CD2AP: variants seen among roughly 807,000 people sequenced by gnomAD.
CD2AP encodes CD2 associated protein.
Under a neutral mutation model 85.1 loss-of-function variants are expected in CD2AP, and 46 were observed. That is an observed-to-expected ratio of 0.54 (90% CI 0.43 to 0.69). The LOEUF (loss-of-function observed/expected upper bound fraction) is 0.69. CD2AP is among the 30% of genes least tolerant of loss of function. CD2AP has a pLI of 0.00. For missense variants in CD2AP, 769 were observed against 729.5 expected, an observed-to-expected ratio of 1.05 and a Z score of -0.62; for synonymous variants, 255 against 252.9, an observed-to-expected ratio of 1.01 and a Z score of -0.08.
At chr6:47,552,223 C>G (rs1197617232) in intron 4 of CD2AP, among the ~76,000 whole-genome samples, 1 of 151,808 alleles carries the variant, frequency 6.6e-6, no homozygotes, top group Non-Finnish European at 1.5e-5. Flanking sequence ...AGTGGTGATT[C>G]CTGAGATTTT....
intron 11 of CD2AP, among the ~76,000 whole-genome samples, chr6:47,593,441 A>C (rs955476054): frequency 3.3e-5 from 5 of 152,078 alleles, no homozygotes; most frequent in African/African-American, 1.2e-4. Flanking sequence ...TCTAAAGGAG[A>C]TATATAAGTT....
intron 2 of CD2AP, among the ~76,000 whole-genome samples, chr6:47,520,551 G>A (rs1016817364): frequency 6.6e-6 from 1 of 152,054 alleles, no homozygotes; most frequent in Non-Finnish European, 1.5e-5. Flanking sequence ...CACCTAGTGT[G>A]GAGGGAAGTC....
In CD2AP at chr6:47,508,577, G is replaced by A. The variant is rs9473124; in HGVS notation, c.165+5137G>A. 9.7e-3 allele frequency among the ~76,000 whole-genome samples: 1,270 copies of A among 130,276 alleles called. 30 individuals carry two copies. Among genetic ancestry groups the A allele is most frequent in the African/African-American group, 0.035 (1,189 of 33,692 alleles). The allele number at this position is 130,276 out of a possible 152,430, so 85.5% of individuals were successfully genotyped here. On this transcript the variant is annotated intron_variant, in intron 2 of 17. Transcript: ENST00000359314. Reference sequence around the variant, plus strand: ...TTTTTTTTTTTTGGGACGGAGTCTCGCTCTGTTGCCCAGGGTGGAGTGCAA... The same window carrying A: ...TTTTTTTTTTTTGGGACGGAGTCTCACTCTGTTGCCCAGGGTGGAGTGCAA...
chr6:47,495,103 C>T (rs973976683), intron 1 of CD2AP, among the ~76,000 whole-genome samples: 2 of 152,086 alleles, frequency 1.3e-5, no homozygotes, highest in African/African-American at 4.8e-5. Flanking sequence ...GTGGAGGCTG[C>T]AGTGAGCCGA....
chr6:47,562,824 TG>T, intron 5 of CD2AP: 1 of 1,139,554 alleles, frequency 8.8e-7, no homozygotes, highest in Non-Finnish European at 1.3e-6. Flanking sequence ...TGGAGGCCCT[TG>T]GTGCTGAACA....
At chr6:47,513,455 G>A (rs1485282438) in intron 2 of CD2AP, among the ~76,000 whole-genome samples, 5 of 152,094 alleles carry the variant, frequency 3.3e-5, no homozygotes, top group African/African-American at 1.2e-4. Flanking sequence ...CATAAATTGA[G>A]TGGTCTGCAA....
At chr6:47,561,970 C>T (rs1159260831) in intron 5 of CD2AP, among the ~76,000 whole-genome samples, 1 of 152,122 alleles carries the variant, frequency 6.6e-6, no homozygotes, top group African/African-American at 2.4e-5. Flanking sequence ...AGGGTTTCAC[C>T]GTGTTAGCCA....
intron 2 of CD2AP, among the ~76,000 whole-genome samples, chr6:47,531,835 G>A (rs986564890): frequency 2.6e-5 from 4 of 152,074 alleles, no homozygotes; most frequent in African/African-American, 9.7e-5. Context: ...CACTTTGGGA[G>A]GTCGAGGCAG....
At position 47,533,487 on chromosome 6, in the gene CD2AP, T is replaced by G. The variant is rs1766943529; in HGVS notation, c.166-115T>G. ...GAGCAGAGCAAAGGTTGGAAACTAT[T>G]GATATTATGATTTATATAGTAATTA... On this transcript the variant is annotated intron_variant, in intron 2 of 17. Coordinates refer to ENST00000359314, the MANE Select transcript of CD2AP (RefSeq NM_012120.3). The G allele has an allele frequency of 3.1e-6, 3 of 983,538 alleles. No individual in the cohort carries two copies. The African/African-American group carries it at 4.9e-5, about 16-fold the overall frequency. The allele number at this position is 983,538 out of a possible 1,614,324, so 60.9% of individuals were successfully genotyped here.
At chr6:47,624,139 A>C in intron 17 of CD2AP, 47 bp from the exon 18 acceptor site, 2 of 1,435,070 alleles carry the variant, frequency 1.4e-6, no homozygotes, top group Non-Finnish European at 9.8e-7. Context: ...ATAAACTACT[A>C]AACTAAGGAT....
At position 47,501,282 on chromosome 6, in the gene CD2AP, T is replaced by C. The variant is rs761525346; in HGVS notation, c.5-1998T>C. Among the ~76,000 whole-genome samples the C allele has an allele frequency of 1.5e-3, 233 of 152,304 alleles. 1 individual carries two copies. The highest frequency in any genetic ancestry group is 3.4e-3 in the Middle Eastern group (1 of 294). On this transcript the variant is annotated intron_variant, in intron 1 of 17. Coordinates refer to ENST00000359314, the MANE Select transcript of CD2AP (RefSeq NM_012120.3). ...TCATGCTTATTTGAAAACCATTCAC[T>C]GTGTATGTTTAATTGTATGTGATTA...
At chr6:47,535,597 G>T (rs1266328121) in intron 3 of CD2AP, among the ~76,000 whole-genome samples, 1 of 152,096 alleles carries the variant, frequency 6.6e-6, no homozygotes, top group East Asian at 1.9e-4. Flanking sequence ...TTTGTTCTTT[G>T]TTTCTCAAGG....
intron 3 of CD2AP, among the ~76,000 whole-genome samples, chr6:47,542,590 G>A (rs998583332): frequency 6.6e-6 from 1 of 152,128 alleles, no homozygotes; most frequent in African/African-American, 2.4e-5. Context: ...TCTGACATGT[G>A]ATGACATAGC....
rs750809565 is a variant in CD2AP at position 47,599,461 on chromosome 6, G to C, written c.1417+18G>C. On this transcript the variant is annotated intron_variant, in intron 13 of 17. Coordinates refer to ENST00000359314, the MANE Select transcript of CD2AP (RefSeq NM_012120.3). ...AGAAACAGGTAAGTCAGCATGGACA[G>C]CGGTGGTGCATTTAAAAAAAAAAAT... is the stretch of plus-strand genomic sequence containing the variant. The C allele has an allele frequency of 6.2e-7, 1 of 1,608,076 alleles. No individual in the cohort carries two copies. Among genetic ancestry groups the C allele is most frequent in the Non-Finnish European group, 8.5e-7 (1 of 1,176,386 alleles).
Position 47,577,021 on chromosome 6 carries a change from G to T in CD2AP, c.821G>T (p.Cys274Phe), listed in dbSNP as rs755821785. 3 of 1,468,388 alleles carry T rather than the reference G, an allele frequency of 2.0e-6. No individual in the cohort carries two copies. The highest frequency in any genetic ancestry group is 2.3e-5 in the East Asian group (1 of 44,016). 91.0% of individuals were successfully genotyped at this position (1,468,388 alleles called of 1,614,324 possible). A position where few individuals can be genotyped will look rare whatever the true frequency, so the allele number is the denominator to read the frequency against. Residue 274 changes from cysteine to phenylalanine, a missense_variant, in exon 8 of 18, where the codon TGT (cysteine) becomes TTT (phenylalanine). By Grantham distance (205) the Cys-to-Phe change is radical. Coordinates refer to ENST00000359314, the MANE Select transcript of CD2AP (RefSeq NM_012120.3). ...TEGKIKAKEY[C>F]RTLFAYEGTN... ...TTCTTTATTTCAGCTAAAGAATATTGTAGAACATTATTTGCCTATGAAGGT... is the reference window on the plus strand; with the variant it reads ...TTCTTTATTTCAGCTAAAGAATATTTTAGAACATTATTTGCCTATGAAGGT...
chr6:47,496,649 T>TA (rs1247491960), intron 1 of CD2AP, among the ~76,000 whole-genome samples: 1 of 152,178 alleles, frequency 6.6e-6, no homozygotes, highest in Non-Finnish European at 1.5e-5. Flanking sequence ...TATACAAATA[T>TA]AAAAAATACT....
intron 1 of CD2AP, among the ~76,000 whole-genome samples, chr6:47,494,302 T>C (rs150873373): frequency 9.8e-4 from 150 of 152,342 alleles, no homozygotes; most frequent in African/African-American, 3.5e-3. Flanking sequence ...TTGCTTTCTT[T>C]GGGTTTCCCT....
In CD2AP at chr6:47,478,005, T is replaced by A; in HGVS notation, c.-240T>A. Reference sequence around the variant, plus strand: ...AGGGCCCTCCCGCCGCCGTGGCTCCTGGGGAGGCCAGGGGTGAGGAGCTGT... The same window carrying A: ...AGGGCCCTCCCGCCGCCGTGGCTCCAGGGGAGGCCAGGGGTGAGGAGCTGT... On this transcript the variant is annotated 5_prime_UTR_variant, in exon 1 of 18. Coordinates refer to ENST00000359314, the MANE Select transcript of CD2AP (RefSeq NM_012120.3). 1.7e-6 allele frequency: 1 copy of A among 585,878 alleles called. No individual in the cohort carries two copies. The highest frequency in any genetic ancestry group is 2.0e-5 in the South Asian group (1 of 49,162). The allele number at this position is 585,878 out of a possible 1,614,324, so 36.3% of individuals were successfully genotyped here. A position where few individuals can be genotyped will look rare whatever the true frequency, so the allele number is the denominator to read the frequency against.
chr6:47,529,907 C>T (rs1054944256), intron 2 of CD2AP, among the ~76,000 whole-genome samples: 4 of 152,240 alleles, frequency 2.6e-5, no homozygotes, highest in African/African-American at 9.6e-5. Flanking sequence ...TCTTTCCCTT[C>T]CTTCCATGCT....
Sources: gnomAD v4.1 joint callset for allele counts (sites outside exome capture counted in the v4.1 genomes callset) on GRCh38, gnomAD v4.1.1 for gene constraint, MANE v1.5 for transcripts, NCBI Gene and HGNC (gene_info 2026-07-23, HGNC 2026-07-21) for gene names.